SPAG9: variants seen among roughly 807,000 people sequenced by gnomAD.
The protein encoded by SPAG9 is C-Jun-amino-terminal kinase-interacting protein 4.
In SPAG9, 35 loss-of-function variants were observed where a neutral mutation model predicts 166.5. The ratio of observed to expected loss-of-function variants is 0.21; its 90% CI spans 0.16 to 0.28. The LOEUF (loss-of-function observed/expected upper bound fraction) is 0.28. Among genes scored for constraint, SPAG9 ranks in the 10% least tolerant of loss-of-function variants. The probability of loss-of-function intolerance (pLI) is 1.00; values close to 1 mark genes in which losing one functional copy is unlikely to be tolerated. For missense variants in SPAG9, 1,235 were observed against 1,603.3 expected, an observed-to-expected ratio of 0.77 and a Z score of 3.92; for synonymous variants, 534 against 565.5, an observed-to-expected ratio of 0.94 and a Z score of 0.79.
intron 1 of SPAG9, among the ~76,000 whole-genome samples, chr17:51,113,582 A>G (rs557048189): frequency 6.6e-6 from 1 of 151,132 alleles, no homozygotes; most frequent in Admixed American, 6.6e-5. Context: ...CAGGAGGATG[A>G]GGCAGGAGAA....
At chr17:51,038,120 T>A (rs2046691973) in intron 5 of SPAG9, among the ~76,000 whole-genome samples, 1 of 152,124 alleles carries the variant, frequency 6.6e-6, no homozygotes, top group Admixed American at 6.5e-5. Context: ...TTAGGGTATT[T>A]TTACTAGTGG....
At chr17:51,032,170 A>AT (rs1187570064) in intron 5 of SPAG9, among the ~76,000 whole-genome samples, 1 of 151,766 alleles carries the variant, frequency 6.6e-6, no homozygotes, top group Non-Finnish European at 1.5e-5. Context: ...CCTTTTTCTT[A>AT]TTTTTTTTGA....
chr17:50,997,022 C>A (rs1345024995), intron 15 of SPAG9, among the ~76,000 whole-genome samples: 6 of 152,226 alleles, frequency 3.9e-5, no homozygotes, highest in Admixed American at 1.3e-4. Flanking sequence ...GACCTATAAT[C>A]CCAGCTACTT....
intron 26 of SPAG9, 101 bp from the exon 27 acceptor site, chr17:50,977,322 A>G: frequency 1.4e-6 from 1 of 735,238 alleles, no homozygotes; most frequent in African/African-American, 1.8e-5. Flanking sequence ...CAAAAAAAAA[A>G]GAAAGAAAGT....
chr17:50,978,423 T>G (rs1974345887), intron 26 of SPAG9, among the ~76,000 whole-genome samples: 1 of 152,200 alleles, frequency 6.6e-6, no homozygotes, highest in Non-Finnish European at 1.5e-5. Flanking sequence ...TCCAGTTCAA[T>G]CATTTTTCAT....
intron 11 of SPAG9, 66 bp downstream of exon 11, chr17:51,006,019 C>T: frequency 2.6e-6 from 4 of 1,557,962 alleles, no homozygotes; most frequent in Non-Finnish European, 2.6e-6. Context: ...CTCAGGGTTA[C>T]ATCTGTAACC....
At chr17:51,078,407 A>G (rs2048073777) in intron 2 of SPAG9, among the ~76,000 whole-genome samples, 1 of 152,180 alleles carries the variant, frequency 6.6e-6, no homozygotes, top group South Asian at 2.1e-4. Flanking sequence ...ACACGCCCCA[A>G]GAGTGCTGGC....
At chr17:51,076,921 A>C (rs934273133) in intron 2 of SPAG9, among the ~76,000 whole-genome samples, 1 of 151,926 alleles carries the variant, frequency 6.6e-6, no homozygotes, top group African/African-American at 2.4e-5. Context: ...AGCACTTTGA[A>C]GCCCAGAAGT....
chr17:51,053,176 T>G (rs2047228417), intron 3 of SPAG9, among the ~76,000 whole-genome samples: 1 of 150,628 alleles, frequency 6.6e-6, no homozygotes, highest in African/African-American at 2.4e-5. Flanking sequence ...TTTATCACTA[T>G]CAATTACTTC....
Position 50,970,789 on chromosome 17 carries a change from A to G in SPAG9, c.3768T>C (p.Ser1256=). The change falls in exon 29 of 30, where the codon TCT becomes TCC. Residue 1256 remains serine (S), a synonymous_variant. Transcript: ENST00000262013. ...TDLTGDKAGP[S]AQEPGSQTPL... Reference sequence around the variant, plus strand: ...GCGTCTGACTACCAGGCTCCTGTGCAGATGGCCCTGCTTTGTCACCCGTCA... The same window carrying G: ...GCGTCTGACTACCAGGCTCCTGTGCGGATGGCCCTGCTTTGTCACCCGTCA... 6.2e-7 allele frequency: 1 copy of G among 1,614,172 alleles called. No homozygotes were observed. Among genetic ancestry groups the G allele is most frequent in the East Asian group, 2.2e-5 (1 of 44,880 alleles).
Position 51,120,234 on chromosome 17 carries a change from C to G in SPAG9, c.303+120G>C, listed in dbSNP as rs992466320. The G allele has an allele frequency of 1.1e-6, 1 of 884,688 alleles. No individual in the cohort carries two copies. The allele number at this position is 884,688 out of a possible 1,614,324, so 54.8% of individuals were successfully genotyped here. The stretch of plus-strand genomic sequence containing the variant: ...CGCCGGGATCGGTCCCAGGGGGCAT[C>G]GGCCTCAGGCCCGCCCTCCAGGAGG... On this transcript the variant is annotated intron_variant, in intron 1 of 29. Coordinates refer to ENST00000262013, the MANE Select transcript of SPAG9 (RefSeq NM_001130528.3). The surrounding 1 kb of genome is among the most constrained non-coding windows in gnomAD (Gnocchi z 4.7).
chr17:50,993,985 T>C, intron 18 of SPAG9, 50 bp from the exon 19 acceptor site: 1 of 1,495,350 alleles, frequency 6.7e-7, no homozygotes, highest in South Asian at 1.2e-5. Context: ...TATGTACAAA[T>C]ATTCATAAGG....
chr17:50,992,958 T>C (rs561576145), intron 19 of SPAG9, among the ~76,000 whole-genome samples: 23 of 151,850 alleles, frequency 1.5e-4, no homozygotes, highest in Non-Finnish European at 3.4e-4. Context: ...TAGCCGGGTG[T>C]AGTGGCTCGT....
At chr17:50,980,456 C>T (rs1234103377) in intron 25 of SPAG9, among the ~76,000 whole-genome samples, 1 of 151,932 alleles carries the variant, frequency 6.6e-6, no homozygotes, top group Non-Finnish European at 1.5e-5. Context: ...CTGCCCACCT[C>T]GGCCTTCCAA....
chr17:51,080,665 A>G (rs528112808), intron 1 of SPAG9, among the ~76,000 whole-genome samples: 64 of 152,070 alleles, frequency 4.2e-4, no homozygotes, highest in African/African-American at 1.5e-3. Flanking sequence ...AGCAGATCAC[A>G]AGGTCAGGAG....
Position 51,077,021 on chromosome 17 carries a change from T to TCTAGCTATCTAGCTATCTAG in SPAG9, c.424+2562_424+2563insCTAGATAGCTAGATAGCTAG, listed in dbSNP as rs1568065349. On this transcript the variant is annotated intron_variant, in intron 2 of 29. Coordinates refer to ENST00000262013, the MANE Select transcript of SPAG9 (RefSeq NM_001130528.3). ...AGCTATCTAGCTAGCTAGCTAGCTA[T>TCTAGCTATCTAGCTATCTAG]CTAGCTATCTATCTAGCTATCTAGC... 2.1e-4 allele frequency among the ~76,000 whole-genome samples: 16 copies of TCTAGCTATCTAGCTATCTAG among 76,116 alleles called. 1 individual carries two copies. Among genetic ancestry groups the TCTAGCTATCTAGCTATCTAG allele is most frequent in the African/African-American group, 1.1e-3 (16 of 14,884 alleles). The allele number at this position is 76,116 out of a possible 152,430, so 49.9% of individuals were successfully genotyped here. A position where few individuals can be genotyped will look rare whatever the true frequency, so the allele number is the denominator to read the frequency against.
chr17:50,975,516 C>T (rs1490234181), intron 27 of SPAG9, among the ~76,000 whole-genome samples: 1 of 152,134 alleles, frequency 6.6e-6, no homozygotes, highest in East Asian at 1.9e-4. Flanking sequence ...AAAACATCCC[C>T]ATTCCATGGG....
At chr17:51,008,285 G>T (rs1597978044) in intron 9 of SPAG9, among the ~76,000 whole-genome samples, 1 of 152,102 alleles carries the variant, frequency 6.6e-6, no homozygotes, top group African/African-American at 2.4e-5. Flanking sequence ...GGTCTTTAGG[G>T]AGAAGAAAGC....
At chr17:51,035,808 C>CACA (rs2046563555) in intron 5 of SPAG9, among the ~76,000 whole-genome samples, 1 of 152,176 alleles carries the variant, frequency 6.6e-6, no homozygotes, top group African/African-American at 2.4e-5. Flanking sequence ...ATCTAAAGGT[C>CACA]ACATTCTACT....
Sources: allele counts gnomAD v4.1 joint callset (sites outside exome capture counted in the v4.1 genomes callset), GRCh38; gene constraint gnomAD v4.1.1; non-coding constraint Gnocchi (gnomAD v3.1); transcripts MANE v1.5; gene names NCBI Gene and HGNC (gene_info 2026-07-23, HGNC 2026-07-21).